Variants in TERT observed in about 807,000 individuals in gnomAD.
TERT encodes telomerase reverse transcriptase.
In TERT, 42 loss-of-function variants were observed where a neutral mutation model predicts 104.0. The ratio of observed to expected loss-of-function variants is 0.40; its 90% confidence interval spans 0.32 to 0.52. The LOEUF (loss-of-function observed/expected upper bound fraction) is 0.52, where lower values mean the gene tolerates loss of function less well. Among genes scored for constraint, TERT ranks in the 20% least tolerant of loss-of-function variants. The probability of loss-of-function intolerance (pLI) is 0.43; values close to 1 mark genes in which losing one functional copy is unlikely to be tolerated. For synonymous variants in TERT, 781 were observed against 725.6 expected, an observed-to-expected ratio of 1.08 and a Z score of -1.23; for missense variants, 1,101 against 1,610.3, an observed-to-expected ratio of 0.68 and a Z score of 5.41.
intron 6 of TERT, among the ~76,000 whole-genome samples, 198 bp downstream of exon 6, chr5:1,278,441 CCA>C (rs112536335): frequency 6.5e-4 from 99 of 151,492 alleles, no homozygotes; most frequent in African/African-American, 2.2e-3. Flanking sequence ...CACACACGTG[CCA>C]CACACACACA....
chr5:1,255,875 G>T lies in TERT; in HGVS notation c.3033-464C>A, dbSNP rs926306055. Among the ~76,000 whole-genome samples, 1 of 151,952 alleles carries T rather than the reference G, an allele frequency of 6.6e-6. No homozygotes were observed. Among genetic ancestry groups the T allele is most frequent in the Non-Finnish European group, 1.5e-5 (1 of 68,000 alleles). On this transcript the variant is annotated intron_variant, in intron 13 of 15. Transcript: ENST00000310581. This position sits in a 1 kb window ranked among gnomAD's most constrained non-coding sequence, Gnocchi z 6.9. ...CCCTTCTGAGCCACCCGCCCCTGTG[G>T]TGCATAAACCCTGGGTCTGGGGTGA... is the stretch of plus-strand genomic sequence containing the variant.
At position 1,286,362 on chromosome 5, in the gene TERT, G is replaced by T. The variant is rs34363858; in HGVS notation, c.1574-3738C>A. Among the ~76,000 whole-genome samples, 1,593 of 152,256 alleles carry T rather than the reference G, an allele frequency of 0.01. 10 individuals are homozygous for T. Among genetic ancestry groups the T allele is most frequent in the Non-Finnish European group, 0.016 (1,084 of 68,032 alleles). On this transcript the variant is annotated intron_variant, in intron 2 of 15. Transcript: ENST00000310581. The surrounding 1 kb of genome is among the most constrained non-coding windows in gnomAD (Gnocchi z 5.3). ...GGCGGGCCTGAGACAGAAGACAGACGGGGAACAAAGGAGGAAAAGCAGGGC... is the reference window on the plus strand; with the variant it reads ...GGCGGGCCTGAGACAGAAGACAGACTGGGAACAAAGGAGGAAAAGCAGGGC...
rs906527701 is a variant in TERT, at chr5:1,257,444, T to G, written c.3032+1154A>C. Among the ~76,000 whole-genome samples the G allele has an allele frequency of 1.1e-4, 17 of 151,736 alleles. No individual in the cohort carries two copies. Among genetic ancestry groups the G allele is most frequent in the Admixed American group, 1.0e-3 (16 of 15,244 alleles). On this transcript the variant is annotated intron_variant, in intron 13 of 15. Transcript: ENST00000310581. The surrounding 1 kb of genome is among the most constrained non-coding windows in gnomAD (Gnocchi z 5.6). ...ACCTGTATCCAGCACACCCCAAGGGTTTCCGGAAAGGAGTCAAGCAGCTTG... is the reference window on the plus strand; with the variant it reads ...ACCTGTATCCAGCACACCCCAAGGGGTTCCGGAAAGGAGTCAAGCAGCTTG...
rs2126563044 is a variant in TERT at position 1,255,418 on chromosome 5, G to A, written c.3033-7C>T. ...CAGCACACATGCGTGAAACCTGAGA[G>A]GATGGCGGACAGCGTCAGAGGAAAG... On this transcript the variant is annotated splice_polypyrimidine_tract_variant and splice_region_variant and intron_variant, in intron 13 of 15. Transcript: ENST00000310581. This position sits in a 1 kb window ranked among gnomAD's most constrained non-coding sequence, Gnocchi z 6.9. 1 of 1,614,176 alleles carries A rather than the reference G, an allele frequency of 6.2e-7. No homozygotes were observed. Among genetic ancestry groups the A allele is most frequent in the Non-Finnish European group, 8.5e-7 (1 of 1,180,030 alleles).
In TERT at chr5:1,257,624, G is replaced by C. The variant is rs528849934; in HGVS notation, c.3032+974C>G. 1.3e-5 allele frequency among the ~76,000 whole-genome samples: 2 copies of C among 152,324 alleles called. No homozygotes were observed. Among genetic ancestry groups the C allele is most frequent in the Non-Finnish European group, 2.9e-5 (2 of 68,016 alleles). On this transcript the variant is annotated intron_variant, in intron 13 of 15. Coordinates refer to ENST00000310581, the MANE Select transcript of TERT (RefSeq NM_198253.3). The surrounding 1 kb of genome is among the most constrained non-coding windows in gnomAD (Gnocchi z 5.6). ...GGAGCTGGTGCAAAGGCGGTAACAT[G>C]CAGCTGTGGCTCTGCCCTCCCTGCC...
At chr5:1,260,165 T>G (rs1748121218) in intron 12 of TERT, among the ~76,000 whole-genome samples, 1 of 152,160 alleles carries the variant, frequency 6.6e-6, no homozygotes, top group Non-Finnish European at 1.5e-5. Context: ...CACATGCTAC[T>G]CACACTGCAC....
In TERT at chr5:1,268,395, C is replaced by T; in HGVS notation, c.2582+125G>A. ...GCGGCTTCATACCAAGAAGGGGCTG[C>T]AACCTTGTCTGGTTCCTCAAGACAG... On this transcript the variant is annotated intron_variant, in intron 9 of 15. Coordinates refer to ENST00000310581, the MANE Select transcript of TERT (RefSeq NM_198253.3). The surrounding 1 kb of genome is among the most constrained non-coding windows in gnomAD (Gnocchi z 5.5). 2 of 776,700 alleles carry T rather than the reference C, an allele frequency of 2.6e-6. No individual in the cohort carries two copies. Among genetic ancestry groups the T allele is most frequent in the Non-Finnish European group, 4.3e-6 (2 of 461,780 alleles). The allele number at this position is 776,700 out of a possible 1,614,324, so 48.1% of individuals were successfully genotyped here.
At chr5:1,264,071 C>T (rs1012752142) in intron 11 of TERT, among the ~76,000 whole-genome samples, 18 of 151,532 alleles carry the variant, frequency 1.2e-4, no homozygotes, top group African/African-American at 4.1e-4. Context: ...CCCTGTGTTT[C>T]GGGTTTGGAG....
intron 10 of TERT, among the ~76,000 whole-genome samples, chr5:1,266,197 G>A (rs1240094302): frequency 1.3e-5 from 2 of 152,212 alleles, no homozygotes; most frequent in Admixed American, 6.5e-5. Context: ...CAGGAGCCAG[G>A]TCACCGCCTG....
In TERT at chr5:1,288,512, C is replaced by T. The variant is rs1241244226; in HGVS notation, c.1573+4801G>A. ...CTCCAACCTGTGGCTGGACGTCAAT[C>T]CATGTGAGGGGGCGACTGGAGGCAG... On this transcript the variant is annotated intron_variant, in intron 2 of 15. Coordinates refer to ENST00000310581, the MANE Select transcript of TERT (RefSeq NM_198253.3). This position sits in a 1 kb window ranked among gnomAD's most constrained non-coding sequence, Gnocchi z 5.3. 2.6e-5 allele frequency among the ~76,000 whole-genome samples: 4 copies of T among 152,126 alleles called. No homozygotes were observed. The highest frequency in any genetic ancestry group is 9.7e-5 in the African/African-American group (4 of 41,412).
chr5:1,293,583 C>G lies in TERT; in HGVS notation c.1303G>C (p.Val435Leu). 7 of 1,546,284 alleles carry G rather than the reference C, an allele frequency of 4.5e-6. No individual in the cohort carries two copies. Among genetic ancestry groups the G allele is most frequent in the Non-Finnish European group, 6.1e-6 (7 of 1,143,906 alleles). Residue 435 changes from valine (V) to leucine (L), a missense_variant, in exon 2 of 16, where the codon GTG becomes CTG. By Grantham distance (32) the Val-to-Leu change is conservative. Around this residue, in one of 5 missense-constraint regions of TERT, gnomAD observed 504 missense variants for 544.6 expected, o/e 0.93. Coordinates refer to ENST00000310581, the MANE Select transcript of TERT (RefSeq NM_198253.3). ...GTGTCCTCCTCCTCGGGGGCCGCCA[C>G]AGAGCCCTGGGGCTTCTCCCGGGCA... ...VCAREKPQGS[V>L]AAPEEEDTDP...
chr5:1,271,441 G>T (rs1198432839), intron 7 of TERT, among the ~76,000 whole-genome samples: 1 of 152,190 alleles, frequency 6.6e-6, no homozygotes, highest in African/African-American at 2.4e-5. Flanking sequence ...GGTCCAGCTG[G>T]GCTCACACCC....
At chr5:1,284,640 C>G (rs1366565385) in intron 2 of TERT, among the ~76,000 whole-genome samples, 1 of 146,302 alleles carries the variant, frequency 6.8e-6, no homozygotes, top group African/African-American at 2.6e-5. Flanking sequence ...TCACTCCAGA[C>G]CTGCACCATC....
intron 2 of TERT, chr5:1,283,041 C>A (rs559936086): frequency 3.0e-5 from 10 of 336,478 alleles, no homozygotes; most frequent in Non-Finnish European, 4.6e-5. Flanking sequence ...CAGGGCCTGG[C>A]GACCTCACGC....
intron 13 of TERT, among the ~76,000 whole-genome samples, 155 bp downstream of exon 13, chr5:1,258,443 G>A (rs758392233): frequency 6.7e-6 from 1 of 148,230 alleles, no homozygotes. Context: ...AGAGCCACGC[G>A]AACAGAACTG....
chr5:1,268,642 G>A lies in TERT; in HGVS notation c.2469-9C>T, dbSNP rs764029536. The A allele has an allele frequency of 2.1e-5, 33 of 1,596,780 alleles. No homozygotes were observed. Among genetic ancestry groups the A allele is most frequent in the Non-Finnish European group, 1.8e-5 (21 of 1,165,442 alleles). ...GGCACTGGACGTAGGACCTGGGGCG[G>A]GAAGACACAGGTGAGAGACGGGCAG... On this transcript the variant is annotated splice_polypyrimidine_tract_variant and intron_variant, in intron 8 of 15. Coordinates refer to ENST00000310581, the MANE Select transcript of TERT (RefSeq NM_198253.3). The surrounding 1 kb of genome is among the most constrained non-coding windows in gnomAD (Gnocchi z 5.5).
chr5:1,268,968 C>T lies in TERT; in HGVS notation c.2469-335G>A, dbSNP rs1013149538. Among the ~76,000 whole-genome samples, 1 of 151,834 alleles carries T rather than the reference C, an allele frequency of 6.6e-6. No individual in the cohort carries two copies. Among genetic ancestry groups the T allele is most frequent in the Non-Finnish European group, 1.5e-5 (1 of 67,970 alleles). On this transcript the variant is annotated intron_variant, in intron 8 of 15. Coordinates refer to ENST00000310581, the MANE Select transcript of TERT (RefSeq NM_198253.3). This position sits in a 1 kb window ranked among gnomAD's most constrained non-coding sequence, Gnocchi z 5.5. ...ACTTGACCCGGAATGAATGCTTAAC[C>T]GGACTCCTTTTTTTTTTTTCAAGGA...
At chr5:1,264,146 TCAGTGCACC>T (rs1748423237) in intron 11 of TERT, 1 of 544,096 alleles carries the variant, frequency 1.8e-6, no homozygotes, top group East Asian at 3.1e-5. Flanking sequence ...TGAAGACACC[TCAGTGCACC>T]CAGGTCTGGT....
In TERT at chr5:1,293,895, A is replaced by G; in HGVS notation, c.991T>C (p.Phe331Leu). The G allele has an allele frequency of 6.5e-7, 1 of 1,542,810 alleles. No individual in the cohort carries two copies. Among genetic ancestry groups the G allele is most frequent in the Non-Finnish European group, 8.7e-7 (1 of 1,146,950 alleles). ...CPPVYAETKH[F>L]LYSSGDKEQL... ...TCCTTGTCGCCTGAGGAGTAGAGGA[A>G]GTGCTTGGTCTCGGCGTACACCGGG... is the stretch of plus-strand genomic sequence containing the variant. Residue 331 changes from phenylalanine to leucine, a missense_variant, in exon 2 of 16, where the codon TTC (phenylalanine) becomes CTC (leucine). Transcript: ENST00000310581.
Sources: gnomAD v4.1 joint callset for allele counts (sites outside exome capture counted in the v4.1 genomes callset) on GRCh38, gnomAD v4.1.1 for gene constraint, gnomAD v4.1.1 regional missense constraint, Gnocchi (gnomAD v3.1) non-coding constraint, MANE v1.5 for transcripts, NCBI Gene and HGNC (gene_info 2026-07-23, HGNC 2026-07-21) for gene names.